Variants in EPHA3 observed in about 807,000 individuals in gnomAD.
EPHA3 encodes the protein ephrin type-A receptor 3.
EPHA3 carries 42 observed loss-of-function variants against 107.1 expected under a neutral mutation model. The ratio of observed to expected loss-of-function variants is 0.39; its 90% CI spans 0.31 to 0.51. EPHA3 has a LOEUF of 0.51. EPHA3 is among the 20% of genes least tolerant of loss of function. The pLI, the probability that EPHA3 is intolerant of heterozygous loss-of-function variation, is 0.78. For missense variants in EPHA3, 1,183 were observed against 1,211.2 expected (o/e 0.98, Z 0.35); for synonymous variants, 461 against 424.8 (o/e 1.09, Z -1.05).
chr3:89,293,194 AT>A (rs1706258147), intron 3 of EPHA3, among the ~76,000 whole-genome samples: 1 of 152,024 alleles, frequency 6.6e-6, no homozygotes, highest in Admixed American at 6.6e-5. Flanking sequence ...CGGGGAGATT[AT>A]TTTTTTAAAC....
At chr3:89,373,907 A>T (rs1708352684) in intron 5 of EPHA3, among the ~76,000 whole-genome samples, 1 of 151,840 alleles carries the variant, frequency 6.6e-6, no homozygotes, top group Non-Finnish European at 1.5e-5. Context: ...TAAGTACTAG[A>T]ATTTAACTCT....
intron 3 of EPHA3, among the ~76,000 whole-genome samples, chr3:89,215,357 G>A (rs1437688423): frequency 1.3e-5 from 2 of 151,826 alleles, no homozygotes; most frequent in African/African-American, 4.8e-5. Flanking sequence ...AAAAGTGAGA[G>A]AAAGCAAGGG....
At position 89,450,381 on chromosome 3, in the gene EPHA3, C is replaced by A. The variant is rs2107555594; in HGVS notation, c.2690+11C>A. 6.2e-7 allele frequency: 1 copy of A among 1,601,710 alleles called. No homozygotes were observed. Among genetic ancestry groups the A allele is most frequent in the South Asian group, 1.1e-5 (1 of 89,278 alleles). On this transcript the variant is annotated intron_variant, in intron 15 of 16. Coordinates refer to ENST00000336596, the MANE Select transcript of EPHA3 (RefSeq NM_005233.6). ...CAGTGCAGCCGCAAGGTGACACATTCAATTTGTTATCTGGCATTCACTCTG... is the reference window on the plus strand; with the variant it reads ...CAGTGCAGCCGCAAGGTGACACATTAAATTTGTTATCTGGCATTCACTCTG...
At chr3:89,341,660 T>C in intron 4 of EPHA3, 95 bp from the exon 5 acceptor site, 1 of 973,694 alleles carries the variant, frequency 1.0e-6, no homozygotes, top group Non-Finnish European at 1.5e-6. Context: ...AAAGGATAGT[T>C]ATTTACCTCA....
intron 2 of EPHA3, among the ~76,000 whole-genome samples, chr3:89,197,751 G>A (rs1705871431): frequency 1.3e-5 from 2 of 152,068 alleles, no homozygotes; most frequent in Admixed American, 1.3e-4. Flanking sequence ...CAAGACAGGT[G>A]GATTTCTTGA....
intron 15 of EPHA3, among the ~76,000 whole-genome samples, chr3:89,468,039 C>T (rs1464182714): frequency 6.6e-6 from 1 of 152,152 alleles, no homozygotes; most frequent in Non-Finnish European, 1.5e-5. Context: ...CCTGCAGCTG[C>T]TCAAAGGCCC....
intron 2 of EPHA3, among the ~76,000 whole-genome samples, chr3:89,165,977 T>C (rs1705053057): frequency 6.6e-6 from 1 of 152,230 alleles, no homozygotes; most frequent in South Asian, 2.1e-4. Flanking sequence ...ATCTTTGTTT[T>C]ACAGATGATG....
intron 5 of EPHA3, among the ~76,000 whole-genome samples, chr3:89,395,401 C>T (rs1051408241): frequency 6.6e-6 from 1 of 152,180 alleles, no homozygotes; most frequent in Non-Finnish European, 1.5e-5. Context: ...TTCCAGTCCT[C>T]TTGCAGAGCT....
intron 2 of EPHA3, among the ~76,000 whole-genome samples, chr3:89,201,175 G>A (rs1705959618): frequency 6.6e-6 from 1 of 152,108 alleles, no homozygotes; most frequent in South Asian, 2.1e-4. Flanking sequence ...GGCTGGAGCA[G>A]GAGGAAGAAA....
intron 5 of EPHA3, among the ~76,000 whole-genome samples, chr3:89,347,063 C>T (rs1264253292): frequency 2.1e-5 from 3 of 143,356 alleles, no homozygotes; most frequent in Admixed American, 2.1e-4. Context: ...ATGCCTCCAG[C>T]TTTGTTCTTT....
chr3:89,445,902 G>A (rs1709868724), intron 13 of EPHA3, among the ~76,000 whole-genome samples: 1 of 152,046 alleles, frequency 6.6e-6, no homozygotes, highest in African/African-American at 2.4e-5. Context: ...TTAGTACGAA[G>A]GTAAAGATAG....
intron 2 of EPHA3, among the ~76,000 whole-genome samples, chr3:89,209,659 G>A (rs756767385): frequency 2.6e-5 from 4 of 152,054 alleles, no homozygotes; most frequent in South Asian, 2.1e-4. Context: ...AAACTGTAAC[G>A]CAATTGAAAT....
chr3:89,447,194 CCTAACTTCCGAGG>C (rs1312568552), intron 13 of EPHA3, among the ~76,000 whole-genome samples: 2 of 152,098 alleles, frequency 1.3e-5, no homozygotes, highest in African/African-American at 4.8e-5. Flanking sequence ...AGTTTATCTC[CCTAACTTCCGAGG>C]CTATCTTTTC....
intron 3 of EPHA3, among the ~76,000 whole-genome samples, chr3:89,282,852 T>C (rs1278188113): frequency 1.3e-5 from 2 of 152,144 alleles, no homozygotes; most frequent in African/African-American, 4.8e-5. Flanking sequence ...TTTAAATTAC[T>C]GTGAGCCATG....
intron 3 of EPHA3, among the ~76,000 whole-genome samples, chr3:89,295,810 G>A (rs1193977674): frequency 1.2e-4 from 18 of 151,644 alleles, no homozygotes; most frequent in African/African-American, 3.9e-4. Context: ...GGCTGGTCTC[G>A]AACTCCCAAC....
chr3:89,197,124 C>T (rs1482923215), intron 2 of EPHA3, among the ~76,000 whole-genome samples: 1 of 152,154 alleles, frequency 6.6e-6, no homozygotes, highest in Non-Finnish European at 1.5e-5. Flanking sequence ...TCCAAAGTCT[C>T]TCTTATGACC....
intron 2 of EPHA3, among the ~76,000 whole-genome samples, chr3:89,164,613 T>A (rs1281740467): frequency 1.3e-5 from 2 of 152,106 alleles, no homozygotes; most frequent in African/African-American, 4.8e-5. Flanking sequence ...TTACTAGAAA[T>A]CTTCCAGCAC....
At chr3:89,434,218 A>G (rs1307547031) in intron 13 of EPHA3, among the ~76,000 whole-genome samples, 9 of 152,112 alleles carry the variant, frequency 5.9e-5, no homozygotes, top group South Asian at 2.1e-4. Context: ...TTATTTATTT[A>G]TTTATTTATT....
At chr3:89,120,797 A>G (rs1311572422) in intron 1 of EPHA3, among the ~76,000 whole-genome samples, 1 of 152,198 alleles carries the variant, frequency 6.6e-6, no homozygotes, top group Non-Finnish European at 1.5e-5. Flanking sequence ...CTTTATAGAA[A>G]TAAATCCAAA....
Sources: gnomAD v4.1 joint callset for allele counts (sites outside exome capture counted in the v4.1 genomes callset) on GRCh38, gnomAD v4.1.1 for gene constraint, MANE v1.5 for transcripts, NCBI Gene and HGNC (gene_info 2026-07-23, HGNC 2026-07-21) for gene names.